ERICH3: variants seen among roughly 807,000 people sequenced by gnomAD.
The protein encoded by ERICH3 is glutamate rich 3.
In ERICH3, 126 loss-of-function variants were observed where a neutral mutation model predicts 131.1. The ratio of observed to expected loss-of-function variants is 0.96; its 90% CI spans 0.83 to 1.11. ERICH3 has a LOEUF of 1.11. ERICH3 is among the 50% of genes most tolerant of loss of function. The probability of loss-of-function intolerance (pLI) is 0.00; values close to 1 mark genes in which losing one functional copy is unlikely to be tolerated. For synonymous variants in ERICH3, 695 were observed against 644.6 expected (o/e 1.08, Z -1.18); for missense variants, 2,050 against 1,810.7 (o/e 1.13, Z -2.40).
At chr1:74,636,886 C>G (rs1189710733) in intron 5 of ERICH3, among the ~76,000 whole-genome samples, 3 of 152,084 alleles carry the variant, frequency 2.0e-5, no homozygotes, top group East Asian at 1.9e-4. Context: ...ATCTTTTAAG[C>G]CTTAAGACTG....
Position 74,576,893 on chromosome 1 carries a change from A to G in ERICH3, c.2218+2T>C. ...TGGACCTCTTGCAGATGGAATACTTACCACCAAGAGCCAGGACATAGGCTA... is the reference window on the plus strand; with the variant it reads ...TGGACCTCTTGCAGATGGAATACTTGCCACCAAGAGCCAGGACATAGGCTA... On this transcript the variant is annotated splice_donor_variant, in intron 13 of 14. Coordinates refer to ENST00000326665, the MANE Select transcript of ERICH3 (RefSeq NM_001002912.5). LOFTEE classifies it high-confidence loss of function. 2 of 1,602,164 alleles carry G rather than the reference A, an allele frequency of 1.2e-6. No homozygotes were observed. Among genetic ancestry groups the G allele is most frequent in the Admixed American group, 1.7e-5 (1 of 57,680 alleles).
intron 10 of ERICH3, 128 bp from the exon 11 acceptor site, chr1:74,600,059 C>T (rs901032403): frequency 2.0e-5 from 13 of 654,208 alleles, no homozygotes; most frequent in South Asian, 7.0e-5. Context: ...TCTTCTTTTT[C>T]GTTCAATTAG....
intron 8 of ERICH3, among the ~76,000 whole-genome samples, chr1:74,619,999 G>A (rs186815061): frequency 7.9e-5 from 12 of 152,140 alleles, no homozygotes; most frequent in East Asian, 1.9e-4. Context: ...AATTCTCCCC[G>A]TAACTCCTAC....
intron 12 of ERICH3, chr1:74,586,368 A>AGG: frequency 1.0e-6 from 1 of 953,622 alleles, no homozygotes; most frequent in Non-Finnish European, 1.2e-6. Context: ...TAATATATCT[A>AGG]TACCTATCTA....
At chr1:74,662,532 G>T (rs1401522593) in intron 1 of ERICH3, among the ~76,000 whole-genome samples, 3 of 151,962 alleles carry the variant, frequency 2.0e-5, no homozygotes, top group Non-Finnish European at 2.9e-5. Context: ...ATTAATTTAT[G>T]ACTTAAAATT....
intron 1 of ERICH3, among the ~76,000 whole-genome samples, chr1:74,650,338 A>C (rs1039173247): frequency 1.3e-5 from 2 of 152,200 alleles, no homozygotes; most frequent in African/African-American, 4.8e-5. Context: ...CTGTATGTCA[A>C]AGTTGAGCAC....
chr1:74,606,619 C>T lies in ERICH3; in HGVS notation c.1471G>A (p.Glu491Lys), dbSNP rs778330322. ...PGQEVLEDDQ[E>K]NTLKYEYEED... ...TGATTACCATATTTTAAAGTATTTT[C>T]CTGGTCGTCTTCCAAGACTTCTTGT... is the stretch of plus-strand genomic sequence containing the variant. Residue 491 changes from glutamate (E) to lysine (K), a missense_variant, in exon 10 of 15, where the codon GAA becomes AAA. By Grantham distance (56) the Glu-to-Lys change is moderately conservative (BLOSUM62 1). Coordinates refer to ENST00000326665, the MANE Select transcript of ERICH3 (RefSeq NM_001002912.5). 3 of 1,607,324 alleles carry T rather than the reference C, an allele frequency of 1.9e-6. No individual in the cohort carries two copies. The highest frequency in any genetic ancestry group is 2.2e-5 in the East Asian group (1 of 44,810).
intron 5 of ERICH3, 110 bp from the exon 6 acceptor site, chr1:74,636,548 G>T: frequency 9.3e-7 from 1 of 1,069,660 alleles, no homozygotes; most frequent in Non-Finnish European, 1.3e-6. Context: ...CCTTTTTACT[G>T]AACAGATTAA....
rs1344043924 is a variant in ERICH3 at position 74,589,784 on chromosome 1, T to C, written c.2023A>G (p.Lys675Glu). Reference sequence around the variant, plus strand: ...CCCTCTGCAATCTCTTGGGTTCCTTTCTCCGTTCCTTCTTTAAGAACATTC... The same window carrying C: ...CCCTCTGCAATCTCTTGGGTTCCTTCCTCCGTTCCTTCTTTAAGAACATTC... The part of the protein sequence containing the change: ...FENVLKEGTE[K>E]GTQEIAEGLS... The change falls in exon 12 of 15, where the codon AAA becomes GAA. Residue 675 changes from lysine (K) to glutamate (E), a missense_variant. Physicochemically the swap from Lys to Glu is moderately conservative, Grantham distance 56 (BLOSUM62 1). Coordinates refer to ENST00000326665, the MANE Select transcript of ERICH3 (RefSeq NM_001002912.5). 1 of 1,614,152 alleles carries C rather than the reference T, an allele frequency of 6.2e-7. No individual in the cohort carries two copies. Among genetic ancestry groups the C allele is most frequent in the East Asian group, 2.2e-5 (1 of 44,880 alleles).
At chr1:74,621,077 G>A (rs906492897) in intron 7 of ERICH3, among the ~76,000 whole-genome samples, 163 bp from the exon 8 acceptor site, 8 of 152,110 alleles carry the variant, frequency 5.3e-5, no homozygotes, top group African/African-American at 1.9e-4. Context: ...CAAACTCATT[G>A]CAAAATAAAT....
At chr1:74,615,751 C>T (rs538731393) in intron 8 of ERICH3, among the ~76,000 whole-genome samples, 5 of 152,166 alleles carry the variant, frequency 3.3e-5, no homozygotes, top group East Asian at 1.9e-4. Context: ...GCATTTTTTC[C>T]GGGGCTACTC....
chr1:74,633,353 A>G (rs1646358972), intron 6 of ERICH3, among the ~76,000 whole-genome samples: 1 of 151,762 alleles, frequency 6.6e-6, no homozygotes, highest in Non-Finnish European at 1.5e-5. Context: ...CTTTTCTTAT[A>G]TTTTCCATTT....
At chr1:74,635,459 CAAG>C (rs1406770528) in intron 6 of ERICH3, among the ~76,000 whole-genome samples, 1 of 152,210 alleles carries the variant, frequency 6.6e-6, no homozygotes, top group Non-Finnish European at 1.5e-5. Flanking sequence ...TTCTTAGTGT[CAAG>C]GTTATCTGTC....
intron 7 of ERICH3, among the ~76,000 whole-genome samples, chr1:74,629,266 A>T (rs2100620806): frequency 6.6e-6 from 1 of 152,286 alleles, no homozygotes; most frequent in South Asian, 2.1e-4. Flanking sequence ...TAGAACAAAA[A>T]GACAAAGAGG....
At chr1:74,590,689 T>C (rs913936443) in intron 11 of ERICH3, among the ~76,000 whole-genome samples, 7 of 152,134 alleles carry the variant, frequency 4.6e-5, no homozygotes, top group African/African-American at 1.7e-4. Flanking sequence ...ACCACTCACC[T>C]CCTGCTGTGC....
chr1:74,636,323 G>C lies in ERICH3; in HGVS notation c.560C>G (p.Ser187Ter), dbSNP rs1646388406. The part of the protein sequence containing the change: ...TVPKVTSRSR[S>*]KTSLLENEAL... ...TTCATTTTCCAGCAATGAGGTTTTT[G>C]ATCTGGACCTTGAAGTTACCTTTGG... Residue 187 changes from serine to a stop codon, truncating the protein, a stop_gained, in exon 6 of 15, where the codon TCA (serine) becomes TGA (stop). Transcript: ENST00000326665. LOFTEE classifies it high-confidence loss of function. 1 of 1,611,786 alleles carries C rather than the reference G, an allele frequency of 6.2e-7. No homozygotes were observed. The highest frequency in any genetic ancestry group is 1.7e-5 in the Admixed American group (1 of 59,952).
chr1:74,652,283 G>A (rs1271571498), intron 1 of ERICH3, among the ~76,000 whole-genome samples: 1 of 152,052 alleles, frequency 6.6e-6, no homozygotes. Flanking sequence ...ATATACATGT[G>A]ACCATCTTTC....
At chr1:74,664,563 A>T (rs1049395172) in intron 1 of ERICH3, among the ~76,000 whole-genome samples, 3 of 152,156 alleles carry the variant, frequency 2.0e-5, no homozygotes, top group Non-Finnish European at 2.9e-5. Context: ...AAACACTATG[A>T]TTCAATTCAA....
Position 74,655,562 on chromosome 1 carries a change from C to T in ERICH3, c.24-6247G>A, listed in dbSNP as rs116117372. 3.8e-3 allele frequency among the ~76,000 whole-genome samples: 574 copies of T among 152,256 alleles called. 4 individuals carry two copies. Among genetic ancestry groups the T allele is most frequent in the African/African-American group, 0.013 (544 of 41,570 alleles). On this transcript the variant is annotated intron_variant, in intron 1 of 14. Coordinates refer to ENST00000326665, the MANE Select transcript of ERICH3 (RefSeq NM_001002912.5). ...GCCTCCCTCTTCCCCATTTAGGGAC[C>T]TTTGTGATTACATGGGGCCCACCCA...
Sources: allele counts gnomAD v4.1 joint callset (sites outside exome capture counted in the v4.1 genomes callset), GRCh38; gene constraint gnomAD v4.1.1; transcripts MANE v1.5; gene names NCBI Gene and HGNC (gene_info 2026-07-23, HGNC 2026-07-21).